The following ADAMTS20 variants were observed in gnomAD, a reference collection of about 807,000 sequenced individuals.
The protein encoded by ADAMTS20 is A disintegrin and metalloproteinase with thrombospondin motifs 20.
Under a neutral mutation model 260.1 loss-of-function variants are expected in ADAMTS20, and 225 were observed. The observed-to-expected ratio is 0.87, with a 90% CI of 0.78 to 0.97. The LOEUF is 0.97. Ranked by LOEUF, ADAMTS20 falls within the 50% of genes least tolerant of loss-of-function variation. The probability of loss-of-function intolerance (pLI) is 0.00; values close to 1 mark genes in which losing one functional copy is unlikely to be tolerated. For missense variants in ADAMTS20, 2,400 were observed against 2,337.7 expected (o/e 1.03, Z -0.55); for synonymous variants, 802 against 769.5 (o/e 1.04, Z -0.70).
intron 28 of ADAMTS20, among the ~76,000 whole-genome samples, chr12:43,405,425 A>C: frequency 2.1e-5 from 1 of 48,264 alleles, no homozygotes; most frequent in East Asian, 2.6e-3. Flanking sequence ...CTCTAATAAT[A>C]ATAATAATAA....
At chr12:43,405,228 AC>A (rs1940890557) in intron 28 of ADAMTS20, among the ~76,000 whole-genome samples, 2 of 96,796 alleles carry the variant, frequency 2.1e-5, no homozygotes, top group African/African-American at 7.6e-5. Flanking sequence ...CCTCATCTCT[AC>A]AAAAAAAAAA....
chr12:43,391,519 G>A (rs1194192757), intron 29 of ADAMTS20, among the ~76,000 whole-genome samples: 1 of 152,122 alleles, frequency 6.6e-6, no homozygotes, highest in South Asian at 2.1e-4. Flanking sequence ...TTAACTACAA[G>A]AGCTGTGATG....
Position 43,416,362 on chromosome 12 carries a change from C to T in ADAMTS20, c.4284+9152G>A, listed in dbSNP as rs536717513. Among the ~76,000 whole-genome samples, 7 of 150,392 alleles carry T rather than the reference C, an allele frequency of 4.7e-5. No individual in the cohort carries two copies. The East Asian group carries it at 1.2e-3, about 26-fold the overall frequency. On this transcript the variant is annotated intron_variant, in intron 28 of 38. Transcript: ENST00000389420. ...TGACACCCAGTCCAAAAAAAAAAAT[C>T]AAGTTTTTCTATACCTATAGAATTT...
Position 43,493,258 on chromosome 12 carries a change from AT to A in ADAMTS20, c.868-6del. On this transcript the variant is annotated splice_region_variant and splice_polypyrimidine_tract_variant and intron_variant, in intron 4 of 38. Coordinates refer to ENST00000389420, the MANE Select transcript of ADAMTS20 (RefSeq NM_025003.5). ...ATCTTTGTAGATTGTTGCAACCTGC[AT>A]GTAAAAAAAATGTAGGATTAGTTGT... 6.5e-7 allele frequency: 1 copy of A among 1,534,450 alleles called. No homozygotes were observed. The highest frequency in any genetic ancestry group is 1.2e-5 in the South Asian group (1 of 82,668).
intron 2 of ADAMTS20, among the ~76,000 whole-genome samples, chr12:43,535,638 T>A (rs1943284689): frequency 6.6e-6 from 1 of 152,176 alleles, no homozygotes; most frequent in South Asian, 2.1e-4. Flanking sequence ...TTAAGGTAGC[T>A]ATTAGTCTGC....
At chr12:43,535,310 C>A (rs1205518271) in intron 2 of ADAMTS20, among the ~76,000 whole-genome samples, 2 of 152,042 alleles carry the variant, frequency 1.3e-5, no homozygotes, top group East Asian at 3.9e-4. Flanking sequence ...TATTTCCTAC[C>A]TTTGCAAGCT....
At chr12:43,477,428 G>A (rs999735054) in intron 7 of ADAMTS20, among the ~76,000 whole-genome samples, 9 of 152,170 alleles carry the variant, frequency 5.9e-5, no homozygotes, top group African/African-American at 1.9e-4. Flanking sequence ...AGTTTGTAGG[G>A]AGGAAGAAAT....
chr12:43,464,757 T>C (rs769028769), intron 9 of ADAMTS20, 25 bp from the exon 10 acceptor site: 3 of 1,599,834 alleles, frequency 1.9e-6, no homozygotes, highest in South Asian at 2.2e-5. Context: ...GAAAATAAAA[T>C]ATTGTGAATA....
chr12:43,353,465 A>G (rs887157517), downstream of ADAMTS20, among the ~76,000 whole-genome samples: 2 of 152,034 alleles, frequency 1.3e-5, no homozygotes, highest in African/African-American at 2.4e-5. Flanking sequence ...TATAAAAACA[A>G]TGTATTGTTC....
intron 37 of ADAMTS20, among the ~76,000 whole-genome samples, chr12:43,368,993 C>T (rs1201872453): frequency 6.6e-6 from 1 of 152,034 alleles, no homozygotes; most frequent in Non-Finnish European, 1.5e-5. Flanking sequence ...TGCCTTTTGA[C>T]AAATATCTAT....
chr12:43,457,986 A>G (rs1941996075), intron 11 of ADAMTS20, among the ~76,000 whole-genome samples: 1 of 152,218 alleles, frequency 6.6e-6, no homozygotes, highest in South Asian at 2.1e-4. Flanking sequence ...TAATTTAGAA[A>G]GTTTATTTTG....
chr12:43,383,488 C>T, intron 31 of ADAMTS20, 70 bp downstream of exon 31: 3 of 1,461,888 alleles, frequency 2.1e-6, no homozygotes, highest in Non-Finnish European at 2.8e-6. Flanking sequence ...CCAGTTTCAG[C>T]TGTGTCAAAT....
intron 36 of ADAMTS20, among the ~76,000 whole-genome samples, chr12:43,370,972 C>G (rs554477787): frequency 1.3e-5 from 2 of 152,294 alleles, no homozygotes; most frequent in Admixed American, 6.5e-5. Context: ...GTTCTGCCTC[C>G]AACCAACTCT....
intron 7 of ADAMTS20, among the ~76,000 whole-genome samples, chr12:43,484,392 G>T (rs1322608198): frequency 6.6e-6 from 1 of 151,974 alleles, no homozygotes; most frequent in Non-Finnish European, 1.5e-5. Context: ...AACTCAAGGA[G>T]ATACAATAGA....
intron 15 of ADAMTS20, 117 bp from the exon 16 acceptor site, chr12:43,444,000 T>C: frequency 2.8e-6 from 2 of 710,792 alleles, no homozygotes; most frequent in Non-Finnish European, 4.8e-6. Context: ...TGTTGTGTCT[T>C]TACAAAATTA....
At chr12:43,537,203 C>T (rs553505194) in intron 2 of ADAMTS20, among the ~76,000 whole-genome samples, 3 of 150,536 alleles carry the variant, frequency 2.0e-5, no homozygotes, top group South Asian at 2.1e-4. Context: ...CCATAACTGG[C>T]GGAATTTTGA....
At chr12:43,424,170 A>G (rs924402336) in intron 28 of ADAMTS20, among the ~76,000 whole-genome samples, 1 of 152,260 alleles carries the variant, frequency 6.6e-6, no homozygotes, top group Middle Eastern at 3.4e-3. Context: ...TATAAATTTA[A>G]TTACAAATAG....
Position 43,376,515 on chromosome 12 carries a change from A to G in ADAMTS20, c.5125+9T>C. 3 of 1,606,984 alleles carry G rather than the reference A, an allele frequency of 1.9e-6. No homozygotes were observed. The highest frequency in any genetic ancestry group is 2.5e-6 in the Non-Finnish European group (3 of 1,177,962). ...CTTAGGTATTAGATTTTTGAAGTCT[A>G]CTACTTACAGTCATTGGCATAACAT... On this transcript the variant is annotated intron_variant, in intron 33 of 38. Coordinates refer to ENST00000389420, the MANE Select transcript of ADAMTS20 (RefSeq NM_025003.5).
intron 4 of ADAMTS20, among the ~76,000 whole-genome samples, chr12:43,501,481 G>GCACGCGCACACACACACACA (rs1555137772): frequency 8.5e-6 from 1 of 117,810 alleles, no homozygotes; most frequent in Non-Finnish European, 1.8e-5. Flanking sequence ...GCGCGCGCGC[G>GCACGCGCACACACACACACA]CACACACACA....
Sources: allele counts gnomAD v4.1 joint callset (sites outside exome capture counted in the v4.1 genomes callset), GRCh38; gene constraint gnomAD v4.1.1; transcripts MANE v1.5; gene names NCBI Gene and HGNC (gene_info 2026-07-23, HGNC 2026-07-21).